Variants in UGT1A9 observed in about 807,000 individuals in gnomAD.
The protein encoded by UGT1A9 is UDP-glucuronosyltransferase 1A9.
UGT1A9 carries 35 observed loss-of-function variants against 45.0 expected under a neutral mutation model. The ratio of observed to expected loss-of-function variants is 0.78; its 90% CI spans 0.59 to 1.03. The LOEUF is 1.03. Ranked by LOEUF, UGT1A9 falls within the 50% of genes least tolerant of loss-of-function variation. UGT1A9 has a pLI of 0.00. For synonymous variants in UGT1A9, 278 were observed against 250.6 expected, an observed-to-expected ratio of 1.11 and a Z score of -1.03; for missense variants, 687 against 666.6, an observed-to-expected ratio of 1.03 and a Z score of -0.34.
chr2:233,765,700 A>T (rs963177783), intron 1 of UGT1A9, among the ~76,000 whole-genome samples: 1 of 146,346 alleles, frequency 6.8e-6, no homozygotes, highest in African/African-American at 2.7e-5. Flanking sequence ...AGTAAATAAT[A>T]ATAATAATAA....
chr2:233,674,014 C>T (rs1419958032), intron 1 of UGT1A9, among the ~76,000 whole-genome samples: 1 of 152,118 alleles, frequency 6.6e-6, no homozygotes, highest in African/African-American at 2.4e-5. Flanking sequence ...ATGACAAATA[C>T]CAGAATAACA....
intron 1 of UGT1A9, among the ~76,000 whole-genome samples, chr2:233,700,533 G>A (rs1285973817): frequency 3.3e-5 from 5 of 152,126 alleles, no homozygotes; most frequent in Non-Finnish European, 4.4e-5. Flanking sequence ...ATAACTCTAG[G>A]AGAATGAGAA....
chr2:233,725,184 GCA>G lies in UGT1A9; in HGVS notation c.856-41849_856-41848del, dbSNP rs1575560324. ...CATGAGAGGGAGACCGTGGGGAGAG[GCA>G]GAGGCAGAGGCAGAGGCAGAGGCAG... On this transcript the variant is annotated intron_variant, in intron 1 of 4. Transcript: ENST00000354728. Among the ~76,000 whole-genome samples, 4 of 89,466 alleles carry G rather than the reference GCA, an allele frequency of 4.5e-5. 2 individuals are homozygous for G. The highest frequency in any genetic ancestry group is 1.9e-4 in the Admixed American group (2 of 10,264). 58.7% of individuals were successfully genotyped at this position (89,466 alleles called of 152,430 possible).
chr2:233,769,536 A>G lies in UGT1A9; in HGVS notation c.1295+1097A>G. On this transcript the variant is annotated intron_variant, in intron 4 of 4. Transcript: ENST00000354728. This position sits in a 1 kb window ranked among gnomAD's most constrained non-coding sequence, Gnocchi z 4.4. Reference sequence around the variant, plus strand: ...CCCATGGTTACCTCCTTTAGAAAGAAGCAGCAGTCAGGAAGACAGATGTGA... The same window carrying G: ...CCCATGGTTACCTCCTTTAGAAAGAGGCAGCAGTCAGGAAGACAGATGTGA... 6.2e-7 allele frequency: 1 copy of G among 1,612,938 alleles called. No homozygotes were observed. The highest frequency in any genetic ancestry group is 8.5e-7 in the Non-Finnish European group (1 of 1,179,892).
chr2:233,716,735 C>T (rs1224008682), intron 1 of UGT1A9, among the ~76,000 whole-genome samples: 3 of 152,158 alleles, frequency 2.0e-5, no homozygotes, highest in Non-Finnish European at 1.5e-5. Flanking sequence ...ATGTTTAGCT[C>T]TGTGAGATTG....
At chr2:233,686,355 AG>A (rs1282593411) in intron 1 of UGT1A9, among the ~76,000 whole-genome samples, 1 of 152,178 alleles carries the variant, frequency 6.6e-6, no homozygotes, top group Non-Finnish European at 1.5e-5. Flanking sequence ...TGTATATCAA[AG>A]GATACTATCA....
intron 1 of UGT1A9, chr2:233,743,719 G>A (rs757280255): frequency 2.2e-6 from 3 of 1,367,368 alleles, no homozygotes; most frequent in East Asian, 9.1e-5. Context: ...CGCCATAGCG[G>A]TCATAGATAT....
In UGT1A9 at chr2:233,672,187, G is replaced by T. The variant is rs776353197; in HGVS notation, c.253G>T (p.Asp85Tyr). The T allele has an allele frequency of 1.2e-5, 20 of 1,614,094 alleles. No homozygotes were observed. Among genetic ancestry groups the T allele is most frequent in the Non-Finnish European group, 1.6e-5 (19 of 1,180,040 alleles). ...KTYSTSYTLE[D>Y]LDREFKAFAH... ...TTATTCAACTTCATATACCCTGGAG[G>T]ATCTGGACCGGGAGTTCAAGGCTTT... The change falls in exon 1 of 5, where the codon GAT becomes TAT. Residue 85 changes from aspartate to tyrosine, a missense_variant. Coordinates refer to ENST00000354728, the MANE Select transcript of UGT1A9 (RefSeq NM_021027.3).
chr2:233,677,273 T>G (rs898642821), intron 1 of UGT1A9, among the ~76,000 whole-genome samples: 1 of 152,188 alleles, frequency 6.6e-6, no homozygotes, highest in Non-Finnish European at 1.5e-5. Context: ...TATATCATGT[T>G]TTTGATGCTA....
chr2:233,743,956 G>T (rs184316279), intron 1 of UGT1A9: 2 of 1,338,248 alleles, frequency 1.5e-6, no homozygotes, highest in Non-Finnish European at 9.9e-7. Flanking sequence ...CTGGCACAGC[G>T]AGCGGCAAGG....
intron 1 of UGT1A9, among the ~76,000 whole-genome samples, chr2:233,704,709 C>T (rs192586332): frequency 2.6e-5 from 4 of 152,180 alleles, no homozygotes; most frequent in African/African-American, 7.2e-5. Flanking sequence ...TTTCTTAGCC[C>T]AATTTGCCTT....
Position 233,697,029 on chromosome 2 carries a change from G to A in UGT1A9, c.855+24240G>A, listed in dbSNP as rs561369376. ...CTATGTTCGTCAGAGATATGGGCCC[G>A]CAGTTTTCTTTTTTTTTGTTGTGTC... On this transcript the variant is annotated intron_variant, in intron 1 of 4. Transcript: ENST00000354728. 2.5e-4 allele frequency among the ~76,000 whole-genome samples: 38 copies of A among 152,092 alleles called. No homozygotes were observed. In the South Asian group the frequency reaches 7.3e-3, roughly 29 times the overall value.
intron 1 of UGT1A9, among the ~76,000 whole-genome samples, chr2:233,701,807 A>G (rs2075653116): frequency 1.3e-5 from 2 of 152,224 alleles, no homozygotes; most frequent in Non-Finnish European, 2.9e-5. Flanking sequence ...GAGAACAAAG[A>G]CACAACATAC....
intron 1 of UGT1A9, among the ~76,000 whole-genome samples, chr2:233,766,608 C>T (rs2126027033): frequency 6.6e-6 from 1 of 152,314 alleles, no homozygotes; most frequent in South Asian, 2.1e-4. Context: ...ACCACACCCT[C>T]TTCTACCCAG....
intron 1 of UGT1A9, among the ~76,000 whole-genome samples, chr2:233,727,669 C>T (rs531135628): frequency 6.8e-4 from 104 of 152,310 alleles, no homozygotes; most frequent in Non-Finnish European, 1.3e-3. Flanking sequence ...TATGTCCTTA[C>T]AAATTCCCAG....
At chr2:233,692,908 T>C in intron 1 of UGT1A9, 1 of 1,553,502 alleles carries the variant, frequency 6.4e-7, no homozygotes, top group African/African-American at 1.4e-5. Flanking sequence ...ACAGGACCTG[T>C]GAAAAGCAGT....
At position 233,768,158 on chromosome 2, in the gene UGT1A9, A is replaced by AGAACCTAGG. The variant is rs1559415093; in HGVS notation, c.1076-62_1076-61insGAACCTAGG. The AGAACCTAGG allele has an allele frequency of 1.9e-6, 3 of 1,613,074 alleles. No homozygotes were observed. In the African/African-American group the frequency reaches 4.0e-5, roughly 22 times the overall value. On this transcript the variant is annotated intron_variant, in intron 3 of 4. Transcript: ENST00000354728. ...TCTTTGGAGTGTTTTCAGAACCTAGATGTGTCCAGCTGTGAAACTCAGAGA... is the reference window on the plus strand; with the variant it reads ...TCTTTGGAGTGTTTTCAGAACCTAGAGAACCTAGGTGTGTCCAGCTGTGAAACTCAGAGA...
intron 1 of UGT1A9, among the ~76,000 whole-genome samples, chr2:233,731,288 T>TC (rs1363892538): frequency 6.6e-6 from 1 of 151,914 alleles, no homozygotes; most frequent in Non-Finnish European, 1.5e-5. Context: ...TTCTTTCTTT[T>TC]TTTTTTTTTT....
At chr2:233,680,971 A>T (rs1156582605) in intron 1 of UGT1A9, among the ~76,000 whole-genome samples, 1 of 152,056 alleles carries the variant, frequency 6.6e-6, no homozygotes, top group Non-Finnish European at 1.5e-5. Flanking sequence ...GGAAGGGTCC[A>T]TGGAGGCAGG....
Sources: allele counts gnomAD v4.1 joint callset (sites outside exome capture counted in the v4.1 genomes callset), GRCh38; gene constraint gnomAD v4.1.1; non-coding constraint Gnocchi (gnomAD v3.1); transcripts MANE v1.5; gene names NCBI Gene and HGNC (gene_info 2026-07-23, HGNC 2026-07-21).